The following CPNE4 variants were observed in gnomAD, a reference collection of about 807,000 sequenced individuals.
CPNE4 encodes copine 4, also known as copine-4.
In CPNE4, 25 loss-of-function variants were observed where a neutral mutation model predicts 67.9. The observed-to-expected ratio is 0.37, with a 90% CI of 0.27 to 0.51. The LOEUF (loss-of-function observed/expected upper bound fraction) is 0.51. Ranked by LOEUF, CPNE4 falls within the 20% of genes least tolerant of loss-of-function variation. The pLI, the probability that CPNE4 is intolerant of heterozygous loss-of-function variation, is 0.93. For missense variants in CPNE4, 464 were observed against 690.8 expected, an observed-to-expected ratio of 0.67 and a Z score of 3.68; for synonymous variants, 242 against 244.9, an observed-to-expected ratio of 0.99 and a Z score of 0.11.
chr3:131,573,378 C>T, intron 10 of CPNE4, among the ~76,000 whole-genome samples: 1 of 152,066 alleles, frequency 6.6e-6, no homozygotes, highest in East Asian at 1.9e-4. Context: ...GGGGGAAGGT[C>T]AGCAGACTGA....
chr3:131,629,759 A>G (rs1359937626), intron 7 of CPNE4, among the ~76,000 whole-genome samples: 1 of 152,104 alleles, frequency 6.6e-6, no homozygotes, highest in Non-Finnish European at 1.5e-5. Context: ...GTGTAAATAT[A>G]ACTTTTATTT....
chr3:131,875,397 C>A (rs1343739903), intron 2 of CPNE4, among the ~76,000 whole-genome samples: 2 of 152,112 alleles, frequency 1.3e-5, no homozygotes, highest in African/African-American at 4.8e-5. Flanking sequence ...TTTATTGTGG[C>A]ACTGTTCACA....
chr3:131,659,021 T>G (rs985907175), intron 7 of CPNE4, among the ~76,000 whole-genome samples: 1 of 152,210 alleles, frequency 6.6e-6, no homozygotes, highest in African/African-American at 2.4e-5. Flanking sequence ...AAGGCTAGGT[T>G]AAAAACAACA....
chr3:132,011,042 T>C (rs4854871), intron 1 of CPNE4, among the ~76,000 whole-genome samples: 127,450 of 152,088 alleles, frequency 0.84, 54,492 homozygotes, highest in Non-Finnish European at 0.93. Context: ...CCATCTCCTC[T>C]GTTTTTCTTA....
At chr3:131,870,575 G>A (rs1220396286) in intron 2 of CPNE4, among the ~76,000 whole-genome samples, 2 of 152,078 alleles carry the variant, frequency 1.3e-5, no homozygotes, top group East Asian at 3.9e-4. Flanking sequence ...GTACACAGCA[G>A]GGCTACACCA....
chr3:131,554,663 T>G (rs1369001961), intron 12 of CPNE4, among the ~76,000 whole-genome samples: 2 of 152,012 alleles, frequency 1.3e-5, no homozygotes, highest in African/African-American at 4.8e-5. Context: ...ATGATGGCTC[T>G]AGTGAGGGAG....
At chr3:131,683,072 T>C (rs1355678548) in intron 6 of CPNE4, among the ~76,000 whole-genome samples, 1 of 152,288 alleles carries the variant, frequency 6.6e-6, no homozygotes, top group African/African-American at 2.4e-5. Context: ...CCAGAAATGC[T>C]GTGCAAGAGC....
chr3:131,672,959 T>G (rs1190431838), intron 6 of CPNE4, among the ~76,000 whole-genome samples: 3 of 152,152 alleles, frequency 2.0e-5, no homozygotes, highest in African/African-American at 7.2e-5. Flanking sequence ...TTTTAGTATT[T>G]TCACAGTTCG....
intron 11 of CPNE4, among the ~76,000 whole-genome samples, chr3:131,559,328 T>C (rs908536980): frequency 1.3e-5 from 2 of 152,026 alleles, no homozygotes; most frequent in East Asian, 1.9e-4. Context: ...AGTATTTACA[T>C]TGATGATAAG....
chr3:131,792,891 C>CTGTGTG (rs1560324394), intron 2 of CPNE4, among the ~76,000 whole-genome samples: 1 of 67,616 alleles, frequency 1.5e-5, no homozygotes, highest in East Asian at 6.5e-4. Flanking sequence ...TAGGTATTTC[C>CTGTGTG]AGTGTGTGTG....
chr3:131,578,775 G>A (rs1001350864), intron 9 of CPNE4, among the ~76,000 whole-genome samples: 2 of 152,158 alleles, frequency 1.3e-5, no homozygotes, highest in African/African-American at 4.8e-5. Context: ...CTAGAGCAAA[G>A]CCCTAACTCA....
At chr3:131,829,916 A>G (rs563062169) in intron 2 of CPNE4, among the ~76,000 whole-genome samples, 1 of 152,356 alleles carries the variant, frequency 6.6e-6, no homozygotes, top group Admixed American at 6.5e-5. Flanking sequence ...ACAAGATCCT[A>G]TGTTTATACA....
At chr3:131,874,270 A>G (rs1014911816) in intron 2 of CPNE4, among the ~76,000 whole-genome samples, 21 of 152,098 alleles carry the variant, frequency 1.4e-4, no homozygotes, top group Admixed American at 1.4e-3. Context: ...TTGTATTTTC[A>G]GTAGAGACGG....
chr3:131,903,103 T>C (rs571906330), intron 2 of CPNE4, among the ~76,000 whole-genome samples: 42 of 152,222 alleles, frequency 2.8e-4, no homozygotes, highest in African/African-American at 9.6e-4. Context: ...ATGCTGACTC[T>C]CGGGTCTTTT....
chr3:131,820,722 C>T (rs1030132805), intron 2 of CPNE4, among the ~76,000 whole-genome samples: 7 of 152,164 alleles, frequency 4.6e-5, no homozygotes, highest in African/African-American at 1.7e-4. Context: ...AAGTTCTGAT[C>T]CCAGAAACAC....
At chr3:131,723,293 A>G (rs2081931238) in intron 3 of CPNE4, among the ~76,000 whole-genome samples, 153 bp downstream of exon 3, 1 of 152,226 alleles carries the variant, frequency 6.6e-6, no homozygotes, top group Non-Finnish European at 1.5e-5. Context: ...CATAATGGAT[A>G]TGACACCACC....
At chr3:131,771,693 A>G (rs1274135754) in intron 2 of CPNE4, among the ~76,000 whole-genome samples, 3 of 152,112 alleles carry the variant, frequency 2.0e-5, no homozygotes, top group Admixed American at 1.3e-4. Flanking sequence ...TTTGTAAGTT[A>G]CCCAGCCTCA....
chr3:131,707,566 G>T (rs1214361446), intron 3 of CPNE4, among the ~76,000 whole-genome samples: 2 of 152,176 alleles, frequency 1.3e-5, no homozygotes, highest in Non-Finnish European at 2.9e-5. Context: ...CTTGCTCAAG[G>T]TTCCATAGCC....
chr3:131,890,868 T>C (rs2088086646), intron 2 of CPNE4, among the ~76,000 whole-genome samples: 1 of 152,124 alleles, frequency 6.6e-6, no homozygotes, highest in Admixed American at 6.6e-5. Context: ...CACTGCATGA[T>C]TCCTCTTATA....
Sources: allele counts gnomAD v4.1 joint callset (sites outside exome capture counted in the v4.1 genomes callset), GRCh38; gene constraint gnomAD v4.1.1; transcripts MANE v1.5; gene names NCBI Gene and HGNC (gene_info 2026-07-23, HGNC 2026-07-21).